The following TPD52 variants were observed in gnomAD, a reference collection of about 807,000 sequenced individuals.
TPD52 encodes tumor protein D52, also known as prostate and colon associated protein.
A neutral mutation model predicts 31.3 loss-of-function variants in TPD52; 17 were observed. The ratio of observed to expected loss-of-function variants is 0.54; its 90% CI spans 0.37 to 0.82. TPD52 has a LOEUF of 0.82. Ranked by LOEUF, TPD52 falls within the 40% of genes least tolerant of loss-of-function variation. TPD52 has a pLI of 0.00. For missense variants in TPD52, 212 were observed against 240.1 expected (o/e 0.88, Z 0.77); for synonymous variants, 83 against 89.6 (o/e 0.93, Z 0.42).
chr8:80,077,239 C>T (rs1180245603), intron 1 of TPD52, among the ~76,000 whole-genome samples: 1 of 149,030 alleles, frequency 6.7e-6, no homozygotes, highest in African/African-American at 2.5e-5. Context: ...TGCACCACTG[C>T]ACTCCAGCCT....
At position 80,147,320 on chromosome 8, in the gene TPD52, C is replaced by T. The variant is rs62516123; in HGVS notation, c.19+24105G>A. ...GCAAAAATAAGGGAGACCTCGCTGACGGGATAGGAGAATGAGGTTCCGGGA... is the reference window on the plus strand; with the variant it reads ...GCAAAAATAAGGGAGACCTCGCTGATGGGATAGGAGAATGAGGTTCCGGGA... On this transcript the variant is annotated intron_variant, in intron 1 of 7. Coordinates refer to ENST00000518937, the MANE Select transcript of TPD52 (RefSeq NM_001025253.3). 1.1e-4 allele frequency among the ~76,000 whole-genome samples: 16 copies of T among 152,108 alleles called. No individual in the cohort carries two copies. The South Asian group carries it at 2.9e-3, about 28-fold the overall frequency.
In TPD52 at chr8:80,171,256, G is replaced by A. The variant is rs761718111; in HGVS notation, c.19+169C>T. ...CCCCGCCAGAGCCGCTCCTTCCAGG[G>A]CCCCAGGATGCCAGATCCGGATCCG... On this transcript the variant is annotated intron_variant, in intron 1 of 7. Coordinates refer to ENST00000518937, the MANE Select transcript of TPD52 (RefSeq NM_001025253.3). The A allele has an allele frequency of 2.7e-5, 23 of 845,018 alleles. 1 individual carries two copies. Among genetic ancestry groups the A allele is most frequent in the South Asian group, 2.1e-4 (15 of 70,668 alleles). 52.3% of individuals were successfully genotyped at this position (845,018 alleles called of 1,614,324 possible).
chr8:80,044,159 T>C lies in TPD52; in HGVS notation c.455+8A>G. On this transcript the variant is annotated splice_region_variant and intron_variant, in intron 6 of 7. Coordinates refer to ENST00000518937, the MANE Select transcript of TPD52 (RefSeq NM_001025253.3). ...AGACCAACTACATTTCATAAAAATA[T>C]ACTTTACCTCATAGCAGGCATGCTA... 6.3e-7 allele frequency: 1 copy of C among 1,584,358 alleles called. No homozygotes were observed. Among genetic ancestry groups the C allele is most frequent in the South Asian group, 1.2e-5 (1 of 85,264 alleles).
chr8:80,149,475 T>G (rs986252275), intron 1 of TPD52, among the ~76,000 whole-genome samples: 1 of 152,198 alleles, frequency 6.6e-6, no homozygotes, highest in Non-Finnish European at 1.5e-5. Flanking sequence ...AAAAGACTAA[T>G]AAATTGGCAC....
chr8:80,129,802 C>T (rs1044500718), intron 1 of TPD52, among the ~76,000 whole-genome samples: 1 of 150,018 alleles, frequency 6.7e-6, no homozygotes, highest in African/African-American at 2.5e-5. Flanking sequence ...CAGGTTCAAG[C>T]GATTCTCCTG....
At chr8:80,068,219 C>T (rs1813381936) in intron 1 of TPD52, among the ~76,000 whole-genome samples, 1 of 152,122 alleles carries the variant, frequency 6.6e-6, no homozygotes, top group Admixed American at 6.5e-5. Context: ...TAACCACCAT[C>T]CGAGAGGAGT....
intron 1 of TPD52, among the ~76,000 whole-genome samples, chr8:80,096,537 T>A (rs1816759946): frequency 6.6e-6 from 1 of 152,226 alleles, no homozygotes; most frequent in African/African-American, 2.4e-5. Flanking sequence ...AAAGTCTATC[T>A]ATTAGTGCCA....
In TPD52 at chr8:80,154,827, G is replaced by GT. The variant is rs201035534; in HGVS notation, c.19+16597dup. Among the ~76,000 whole-genome samples the GT allele has an allele frequency of 3.6e-3, 540 of 150,644 alleles. 6 individuals are homozygous for GT. The highest frequency in any genetic ancestry group is 0.012 in the African/African-American group (500 of 41,012). On this transcript the variant is annotated intron_variant, in intron 1 of 7. Coordinates refer to ENST00000518937, the MANE Select transcript of TPD52 (RefSeq NM_001025253.3). Reference sequence around the variant, plus strand: ...AACAAAGTAGGAAATCCATTTCAGGGTTTTTTTTCTATTATTCCTGCAGAA... The same window carrying GT: ...AACAAAGTAGGAAATCCATTTCAGGGTTTTTTTTTCTATTATTCCTGCAGAA...
chr8:80,104,564 TAA>T (rs1182563814), intron 1 of TPD52, among the ~76,000 whole-genome samples: 1 of 136,500 alleles, frequency 7.3e-6, no homozygotes, highest in Non-Finnish European at 1.6e-5. Context: ...CATCTCTATT[TAA>T]AAAAAAAAAA....
chr8:80,136,956 A>G (rs1350446225), intron 1 of TPD52, among the ~76,000 whole-genome samples: 1 of 152,216 alleles, frequency 6.6e-6, no homozygotes, highest in African/African-American at 2.4e-5. Flanking sequence ...GAAAATCTAC[A>G]AACAACTTCA....
At chr8:80,087,619 AGCC>A (rs1392652331) in intron 1 of TPD52, among the ~76,000 whole-genome samples, 1 of 152,216 alleles carries the variant, frequency 6.6e-6, no homozygotes, top group African/African-American at 2.4e-5. Flanking sequence ...ACTGGGCTCC[AGCC>A]ACAGACACAC....
chr8:80,045,961 G>T (rs971742643), intron 5 of TPD52, among the ~76,000 whole-genome samples: 1 of 152,132 alleles, frequency 6.6e-6, no homozygotes, highest in Non-Finnish European at 1.5e-5. Flanking sequence ...CCCACACATT[G>T]AATTTGGTAG....
intron 1 of TPD52, among the ~76,000 whole-genome samples, chr8:80,125,866 C>A (rs559405240): frequency 6.6e-6 from 1 of 152,310 alleles, no homozygotes; most frequent in African/African-American, 2.4e-5. Context: ...CCACTGACAG[C>A]TGTAGGCTCT....
chr8:80,146,633 T>A (rs879750467), intron 1 of TPD52, among the ~76,000 whole-genome samples: 1 of 152,132 alleles, frequency 6.6e-6, no homozygotes, highest in Non-Finnish European at 1.5e-5. Flanking sequence ...CATAGCTGCA[T>A]AAAGGAGGAA....
At chr8:80,136,284 G>A (rs948069814) in intron 1 of TPD52, among the ~76,000 whole-genome samples, 1 of 150,980 alleles carries the variant, frequency 6.6e-6, no homozygotes, top group African/African-American at 2.4e-5. Flanking sequence ...CAGCACTTTG[G>A]GAAGCCGAGA....
intron 1 of TPD52, among the ~76,000 whole-genome samples, chr8:80,118,785 C>A (rs1425656351): frequency 6.6e-6 from 1 of 152,126 alleles, no homozygotes; most frequent in Non-Finnish European, 1.5e-5. Context: ...TGGTGACGAT[C>A]CAGAGAAACA....
chr8:80,131,579 AGCAAGAGTCCT>A (rs1809021519), intron 1 of TPD52, among the ~76,000 whole-genome samples: 1 of 152,182 alleles, frequency 6.6e-6, no homozygotes, highest in Non-Finnish European at 1.5e-5. Context: ...TGGCTTTTGT[AGCAAGAGTCCT>A]GGGCCACTAC....
At chr8:80,059,814 A>C (rs559007600) in intron 2 of TPD52, among the ~76,000 whole-genome samples, 12 of 152,058 alleles carry the variant, frequency 7.9e-5, no homozygotes, top group Middle Eastern at 3.2e-3. Flanking sequence ...AGATCGCACC[A>C]TTGCACTCCA....
chr8:80,051,916 T>C (rs1811426043), intron 3 of TPD52: 2 of 304,272 alleles, frequency 6.6e-6, no homozygotes, highest in Non-Finnish European at 1.2e-5. Flanking sequence ...AAAATAATCA[T>C]CAAACCAAGA....
Sources: allele counts gnomAD v4.1 joint callset (sites outside exome capture counted in the v4.1 genomes callset), GRCh38; gene constraint gnomAD v4.1.1; transcripts MANE v1.5; gene names NCBI Gene and HGNC (gene_info 2026-07-23, HGNC 2026-07-21).